The following ZYG11A variants were observed in gnomAD, a reference collection of about 807,000 sequenced individuals.
ZYG11A encodes protein zyg-11 homolog A.
Under a neutral mutation model 77.2 loss-of-function variants are expected in ZYG11A, and 62 were observed. That is an observed-to-expected ratio of 0.80 (90% CI 0.65 to 0.99). ZYG11A has a LOEUF of 0.99. Ranked by LOEUF, ZYG11A falls within the 50% of genes least tolerant of loss-of-function variation. The pLI is 0.00. For missense variants in ZYG11A, 828 were observed against 896.8 expected (o/e 0.92, Z 0.98); for synonymous variants, 315 against 324.6 (o/e 0.97, Z 0.32).
rs1031618681 is a variant in ZYG11A at position 52,894,506 on chromosome 1, A to G, written c.*1549A>G. On this transcript the variant is annotated 3_prime_UTR_variant, in exon 14 of 14. Coordinates refer to ENST00000371528, the MANE Select transcript of ZYG11A (RefSeq NM_001004339.3). ...TTCCTTGCCTTATTGTTGACTGTTA[A>G]TGAACATGTTTTGTCATTTATCTGT... is the stretch of plus-strand genomic sequence containing the variant. The G allele has an allele frequency of 1.3e-5, 2 of 152,230 alleles. No homozygotes were observed. The highest frequency in any genetic ancestry group is 1.3e-4 in the Admixed American group (2 of 15,276). 9.4% of individuals were successfully genotyped at this position (152,230 alleles called of 1,614,324 possible).
intron 1 of ZYG11A, among the ~76,000 whole-genome samples, chr1:52,849,382 G>A (rs1194339292): frequency 6.6e-6 from 1 of 151,094 alleles, no homozygotes; most frequent in Non-Finnish European, 1.5e-5. Context: ...TACTTTTTTT[G>A]AGACCAAGTC....
At chr1:52,852,598 A>G (rs780085947) in intron 1 of ZYG11A, among the ~76,000 whole-genome samples, 12 of 152,148 alleles carry the variant, frequency 7.9e-5, no homozygotes, top group Middle Eastern at 6.8e-3. Context: ...TCATGACCTC[A>G]AGTGATCCAC....
chr1:52,874,882 C>T (rs1646235002), intron 8 of ZYG11A, among the ~76,000 whole-genome samples: 1 of 152,168 alleles, frequency 6.6e-6, no homozygotes, highest in African/African-American at 2.4e-5. Context: ...AAGGTATCCA[C>T]ATTGCTTTTT....
intron 10 of ZYG11A, among the ~76,000 whole-genome samples, chr1:52,878,485 G>C (rs1487989479): frequency 6.6e-6 from 1 of 152,154 alleles, no homozygotes; most frequent in Admixed American, 6.5e-5. Flanking sequence ...GGACAACACA[G>C]GTTATATATT....
intron 8 of ZYG11A, among the ~76,000 whole-genome samples, chr1:52,876,888 C>T (rs1646270838): frequency 2.0e-5 from 3 of 152,188 alleles, no homozygotes; most frequent in Admixed American, 2.0e-4. Context: ...TTTTTCCTCT[C>T]ACATGACAGT....
chr1:52,862,372 C>A (rs1645945859), intron 4 of ZYG11A, among the ~76,000 whole-genome samples: 1 of 145,790 alleles, frequency 6.9e-6, no homozygotes, highest in Non-Finnish European at 1.5e-5. Flanking sequence ...AGTGCGGTGG[C>A]TTGATCTCCG....
At chr1:52,855,630 C>T (rs1645796177) in intron 2 of ZYG11A, among the ~76,000 whole-genome samples, 1 of 152,200 alleles carries the variant, frequency 6.6e-6, no homozygotes, top group Non-Finnish European at 1.5e-5. Flanking sequence ...ATGGATTTGC[C>T]TATTCTGAAC....
At chr1:52,885,199 G>A (rs1037725533) in intron 11 of ZYG11A, among the ~76,000 whole-genome samples, 5 of 151,692 alleles carry the variant, frequency 3.3e-5, no homozygotes, top group East Asian at 1.9e-4. Context: ...ATGAGCCACC[G>A]TGCCCGGCCC....
intron 1 of ZYG11A, among the ~76,000 whole-genome samples, chr1:52,844,313 T>C (rs1012670886): frequency 2.0e-5 from 3 of 152,208 alleles, no homozygotes; most frequent in Admixed American, 2.0e-4. Flanking sequence ...CTGTAATCTT[T>C]TGAACTCATT....
chr1:52,880,478 C>T (rs1646344940), intron 10 of ZYG11A, among the ~76,000 whole-genome samples: 2 of 152,122 alleles, frequency 1.3e-5, no homozygotes, highest in South Asian at 4.1e-4. Context: ...CATCCCCTAC[C>T]CTTGAGTGTG....
At chr1:52,851,864 C>T (rs1645718833) in intron 1 of ZYG11A, among the ~76,000 whole-genome samples, 1 of 151,630 alleles carries the variant, frequency 6.6e-6, no homozygotes, top group African/African-American at 2.4e-5. Flanking sequence ...TCTGCTGCCT[C>T]AGCCTCCTGA....
At chr1:52,873,195 T>C (rs765040816) in intron 8 of ZYG11A, among the ~76,000 whole-genome samples, 2 of 152,056 alleles carry the variant, frequency 1.3e-5, no homozygotes, top group Non-Finnish European at 2.9e-5. Context: ...ATTTGTACTC[T>C]CAGCTACTCA....
At chr1:52,878,034 C>T in intron 10 of ZYG11A, 65 bp downstream of exon 10, 2 of 1,277,900 alleles carry the variant, frequency 1.6e-6, no homozygotes, top group Non-Finnish European at 2.2e-6. Flanking sequence ...TTATATAGTA[C>T]CTACTATATG....
chr1:52,871,054 A>G (rs1646153963), intron 8 of ZYG11A, among the ~76,000 whole-genome samples: 2 of 152,228 alleles, frequency 1.3e-5, no homozygotes, highest in South Asian at 4.1e-4. Context: ...AGTTGAATTC[A>G]TTCTGTTTTA....
At chr1:52,848,401 G>T (rs1185870971) in intron 1 of ZYG11A, among the ~76,000 whole-genome samples, 1 of 152,130 alleles carries the variant, frequency 6.6e-6, no homozygotes, top group Non-Finnish European at 1.5e-5. Context: ...GTTTTTAGAA[G>T]TTTCCCATAT....
chr1:52,843,877 G>A (rs1194199555), intron 1 of ZYG11A, among the ~76,000 whole-genome samples: 1 of 151,892 alleles, frequency 6.6e-6, no homozygotes, highest in Non-Finnish European at 1.5e-5. Flanking sequence ...TAGTAGAGAC[G>A]GGGTTTCACC....
chr1:52,857,197 G>A lies in ZYG11A; in HGVS notation c.456G>A (p.Arg152=), dbSNP rs895384061. 2.1e-5 allele frequency: 33 copies of A among 1,552,052 alleles called. No homozygotes were observed. The highest frequency in any genetic ancestry group is 3.9e-5 in the Admixed American group (2 of 50,972). ...PDIISGLCSN[R]WIQQNLQCLL... ...TCATAAGTGGACTCTGCAGCAATAG[G>A]TGGATCCAGCAAAACCTCCAGTGTC... Residue 152 remains arginine (R), a synonymous_variant, in exon 3 of 14, where the codon AGG becomes AGA. Coordinates refer to ENST00000371528, the MANE Select transcript of ZYG11A (RefSeq NM_001004339.3).
intron 8 of ZYG11A, among the ~76,000 whole-genome samples, chr1:52,871,457 C>T (rs1038598381): frequency 3.3e-5 from 5 of 151,238 alleles, no homozygotes; most frequent in African/African-American, 1.2e-4. Flanking sequence ...GGACTTTATT[C>T]TGTTCCATTA....
intron 13 of ZYG11A, among the ~76,000 whole-genome samples, chr1:52,890,249 G>GTTTTT (rs908467307): frequency 2.7e-4 from 19 of 71,668 alleles, no homozygotes; most frequent in South Asian, 1.2e-3. Context: ...TTTTCTTTTA[G>GTTTTT]TTTTTTTTTT....
Sources: allele counts gnomAD v4.1 joint callset (sites outside exome capture counted in the v4.1 genomes callset), GRCh38; gene constraint gnomAD v4.1.1; transcripts MANE v1.5; gene names NCBI Gene and HGNC (gene_info 2026-07-23, HGNC 2026-07-21).